ZNF385B: variants seen among roughly 807,000 people sequenced by gnomAD.
The protein encoded by ZNF385B is zinc finger protein 385B, also known as zinc finger protein 533.
A neutral mutation model predicts 39.2 loss-of-function variants in ZNF385B; 23 were observed. That is an observed-to-expected ratio of 0.59 (90% CI 0.42 to 0.83). The LOEUF is 0.83. ZNF385B is among the 40% of genes least tolerant of loss of function. The pLI is 0.00. For missense variants in ZNF385B, 552 were observed against 598.9 expected, an observed-to-expected ratio of 0.92 and a Z score of 0.82; for synonymous variants, 205 against 222.6, an observed-to-expected ratio of 0.92 and a Z score of 0.70.
At chr2:179,701,751 G>C (rs144245839) in intron 3 of ZNF385B, among the ~76,000 whole-genome samples, 191 of 152,204 alleles carry the variant, frequency 1.3e-3, no homozygotes, top group African/African-American at 4.4e-3. Flanking sequence ...GCCTTTGCTG[G>C]GTACCTTGGA....
intron 3 of ZNF385B, among the ~76,000 whole-genome samples, chr2:179,700,063 AC>A (rs1332233234): frequency 6.7e-6 from 1 of 148,650 alleles, no homozygotes; most frequent in African/African-American, 2.5e-5. Flanking sequence ...AGAAAAACAC[AC>A]ACACACACAC....
intron 3 of ZNF385B, among the ~76,000 whole-genome samples, chr2:179,596,284 GTCAT>G (rs1416611752): frequency 6.6e-6 from 1 of 152,126 alleles, no homozygotes; most frequent in African/African-American, 2.4e-5. Flanking sequence ...TGCTTGCTGA[GTCAT>G]TCATCTTTTT....
chr2:179,484,476 AAAT>A (rs370993797), intron 5 of ZNF385B, among the ~76,000 whole-genome samples: 1 of 152,278 alleles, frequency 6.6e-6, no homozygotes, highest in East Asian at 1.9e-4. Context: ...ATTTCTAAAG[AAAT>A]AATAACTTTA....
intron 4 of ZNF385B, chr2:179,534,645 A>G (rs2059447878): frequency 6.6e-6 from 1 of 152,296 alleles, no homozygotes; most frequent in South Asian, 2.1e-4. Context: ...GAGTCTAGAC[A>G]TCAGTCTTCT....
chr2:179,633,759 A>G (rs1387758625), intron 3 of ZNF385B, among the ~76,000 whole-genome samples: 1 of 152,204 alleles, frequency 6.6e-6, no homozygotes, highest in Non-Finnish European at 1.5e-5. Flanking sequence ...GAGGAAGTCA[A>G]ATTGTCCCTG....
At chr2:179,627,323 A>G (rs1249838486) in intron 3 of ZNF385B, among the ~76,000 whole-genome samples, 1 of 152,182 alleles carries the variant, frequency 6.6e-6, no homozygotes, top group Non-Finnish European at 1.5e-5. Context: ...TAACCTGAAG[A>G]GAAGAAACGA....
At chr2:179,495,110 C>G (rs1255500739) in intron 5 of ZNF385B, among the ~76,000 whole-genome samples, 1 of 152,104 alleles carries the variant, frequency 6.6e-6, no homozygotes. Context: ...TCGGGACCTG[C>G]CTTGTGCCAG....
intron 5 of ZNF385B, among the ~76,000 whole-genome samples, chr2:179,485,929 A>G (rs746171452): frequency 3.3e-5 from 5 of 152,132 alleles, no homozygotes; most frequent in Non-Finnish European, 5.9e-5. Context: ...ATATCTTTTC[A>G]TACATATCTT....
intron 3 of ZNF385B, among the ~76,000 whole-genome samples, chr2:179,746,676 T>A (rs1190937187): frequency 6.6e-6 from 1 of 152,186 alleles, no homozygotes; most frequent in Non-Finnish European, 1.5e-5. Flanking sequence ...ATTAAACCCA[T>A]GTATTTTTAT....
chr2:179,603,655 T>C (rs1417573506), intron 3 of ZNF385B, among the ~76,000 whole-genome samples: 1 of 152,156 alleles, frequency 6.6e-6, no homozygotes, highest in Non-Finnish European at 1.5e-5. Flanking sequence ...AACAATTCTC[T>C]GAGGAAGGTA....
chr2:179,508,854 A>C (rs953667325), intron 5 of ZNF385B, among the ~76,000 whole-genome samples: 1 of 152,250 alleles, frequency 6.6e-6, no homozygotes, highest in African/African-American at 2.4e-5. Context: ...ATGTATTTAA[A>C]GAAAAGCCAG....
intron 6 of ZNF385B, among the ~76,000 whole-genome samples, chr2:179,448,796 A>G (rs749337936): frequency 7.9e-5 from 12 of 152,128 alleles, no homozygotes; most frequent in Non-Finnish European, 1.6e-4. Flanking sequence ...GGAGGACTTA[A>G]TATATCACTA....
intron 3 of ZNF385B, among the ~76,000 whole-genome samples, chr2:179,554,124 T>C (rs1454133555): frequency 6.7e-6 from 1 of 149,454 alleles, no homozygotes; most frequent in African/African-American, 2.5e-5. Flanking sequence ...CTGTGCCTGA[T>C]ACATAGCCAG....
chr2:179,757,542 T>C (rs1418844256), intron 3 of ZNF385B, among the ~76,000 whole-genome samples: 1 of 152,222 alleles, frequency 6.6e-6, no homozygotes, highest in African/African-American at 2.4e-5. Flanking sequence ...TTTGTTTGGC[T>C]ATGCCCTGCC....
At chr2:179,838,580 T>A (rs535098019) in intron 1 of ZNF385B, among the ~76,000 whole-genome samples, 1 of 152,194 alleles carries the variant, frequency 6.6e-6, no homozygotes, top group African/African-American at 2.4e-5. Context: ...AAATGCTTGC[T>A]ATGTTGCCAT....
rs938674092 is a variant in ZNF385B, at chr2:179,550,728, C to T, written c.299-5759G>A. Among the ~76,000 whole-genome samples the T allele has an allele frequency of 2.0e-5, 3 of 149,332 alleles. 1 individual carries two copies. In the South Asian group the frequency reaches 6.5e-4, roughly 32 times the overall value. On this transcript the variant is annotated intron_variant, in intron 3 of 9. Transcript: ENST00000410066. ...TTTGCAAATGGTAAATAAATAGGGA[C>T]AAAGTGCATTTTTTTGAACAAGTTA...
At chr2:179,549,966 C>A (rs1338912837) in intron 3 of ZNF385B, among the ~76,000 whole-genome samples, 1 of 148,890 alleles carries the variant, frequency 6.7e-6, no homozygotes, top group African/African-American at 2.5e-5. Context: ...ACACATTACT[C>A]TTCAAATTAG....
At chr2:179,786,575 C>A (rs184342313) in intron 1 of ZNF385B, among the ~76,000 whole-genome samples, 1 of 151,982 alleles carries the variant, frequency 6.6e-6, no homozygotes, top group Non-Finnish European at 1.5e-5. Context: ...AGGTAACCCC[C>A]CTAAGGCACT....
intron 3 of ZNF385B, among the ~76,000 whole-genome samples, chr2:179,554,391 T>A (rs931142048): frequency 6.7e-6 from 1 of 148,984 alleles, no homozygotes; most frequent in Admixed American, 6.7e-5. Context: ...GTTTGAGGGG[T>A]ATATATGGAA....
Sources: gnomAD v4.1 joint callset for allele counts (sites outside exome capture counted in the v4.1 genomes callset) on GRCh38, gnomAD v4.1.1 for gene constraint, MANE v1.5 for transcripts, NCBI Gene and HGNC (gene_info 2026-07-23, HGNC 2026-07-21) for gene names.